Variants in SCN3B observed in about 807,000 individuals in gnomAD.
SCN3B encodes the protein sodium channel regulatory subunit beta-3.
Under a neutral mutation model 25.4 loss-of-function variants are expected in SCN3B, and 11 were observed. The observed-to-expected ratio is 0.43, with a 90% confidence interval of 0.27 to 0.72. The LOEUF (loss-of-function observed/expected upper bound fraction) is 0.72, where lower values mean the gene tolerates loss of function less well. Ranked by LOEUF, SCN3B falls within the 30% of genes least tolerant of loss-of-function variation. The probability of loss-of-function intolerance (pLI) is 0.18; values close to 1 mark genes in which losing one functional copy is unlikely to be tolerated. For synonymous variants in SCN3B, 109 were observed against 110.7 expected, an observed-to-expected ratio of 0.99 and a Z score of 0.09; for missense variants, 218 against 278.3, an observed-to-expected ratio of 0.78 and a Z score of 1.54.
rs1455649990 is a variant in SCN3B at position 123,633,744 on chromosome 11, T to C, written c.*55A>G. The C allele has an allele frequency of 3.0e-5, 9 of 302,752 alleles. No individual in the cohort carries two copies. The East Asian group carries it at 5.6e-4, about 19-fold the overall frequency. The allele number at this position is 302,752 out of a possible 1,614,324, so 18.8% of individuals were successfully genotyped here. On this transcript the variant is annotated 3_prime_UTR_variant, in exon 7 of 7. Transcript: ENST00000299333. Reference sequence around the variant, plus strand: ...CTGATGCCATTGACATTGCTGAACATGGGATGTCCAGTCCCTCAGGTGTTC... The same window carrying C: ...CTGATGCCATTGACATTGCTGAACACGGGATGTCCAGTCCCTCAGGTGTTC...
intron 2 of SCN3B, among the ~76,000 whole-genome samples, chr11:123,650,907 A>T (rs964375239): frequency 6.6e-6 from 1 of 152,144 alleles, no homozygotes; most frequent in Non-Finnish European, 1.5e-5. Flanking sequence ...ATGCACAGGC[A>T]AATATAGGGT....
At chr11:123,633,918 G>A in intron 6 of SCN3B, 142 bp from the exon 7 acceptor site, 1 of 542,678 alleles carries the variant, frequency 1.8e-6, no homozygotes, top group Non-Finnish European at 3.4e-6. Flanking sequence ...TCGACACTCA[G>A]GTCAAAGCAG....
rs926549927 is a variant in SCN3B, at chr11:123,654,215, G to T, written c.-26+11C>A. The T allele has an allele frequency of 3.7e-6, 1 of 271,180 alleles. No individual in the cohort carries two copies. The highest frequency in any genetic ancestry group is 7.3e-6 in the Non-Finnish European group (1 of 137,778). 16.8% of individuals were successfully genotyped at this position (271,180 alleles called of 1,614,324 possible). ...AGCAGCCAGGCTGTGGAAGGGTCCA[G>T]GTTGATTCACCTCTCGCCTCCCCAG... On this transcript the variant is annotated intron_variant, in intron 1 of 6. Transcript: ENST00000299333.
Position 123,640,093 on chromosome 11 carries a change from C to T in SCN3B, c.446-1769G>A, listed in dbSNP as rs533387829. On this transcript the variant is annotated intron_variant, in intron 4 of 6. Coordinates refer to ENST00000299333, the MANE Select transcript of SCN3B (RefSeq NM_001040151.2). ...ATAACTTTCAGCCCAGAGAGCAGTC[C>T]GAAGGCTCCAGGATCACCCAGGTTT... 32 of 152,300 alleles carry T rather than the reference C, an allele frequency of 2.1e-4. 1 individual carries two copies. The South Asian group carries it at 3.7e-3, about 18-fold the overall frequency. The allele number at this position is 152,300 out of a possible 1,614,324, so 9.4% of individuals were successfully genotyped here. A position where few individuals can be genotyped will look rare whatever the true frequency, so the allele number is the denominator to read the frequency against.
At chr11:123,634,799 C>T (rs1367282262) in intron 5 of SCN3B, among the ~76,000 whole-genome samples, 2 of 152,244 alleles carry the variant, frequency 1.3e-5, no homozygotes, top group African/African-American at 4.8e-5. Flanking sequence ...CACATGTTTA[C>T]AGGCTATTTG....
chr11:123,642,495 C>G lies in SCN3B; in HGVS notation c.396G>C (p.Arg132=). 4 of 1,614,152 alleles carry G rather than the reference C, an allele frequency of 2.5e-6. No individual in the cohort carries two copies. The highest frequency in any genetic ancestry group is 2.5e-6 in the Non-Finnish European group (3 of 1,180,036). ...TCAGCCGCGTCGTCTTCACAAAGGGCCGATGCGCCTCAAACTCAAACTCCC... is the reference window on the plus strand; with the variant it reads ...TCAGCCGCGTCGTCTTCACAAAGGGGCGATGCGCCTCAAACTCAAACTCCC... ...VSREFEFEAH[R]PFVKTTRLIP... Residue 132 remains arginine (R), a synonymous_variant, in exon 4 of 7, where the codon CGG becomes CGC. Transcript: ENST00000299333. The surrounding 1 kb of genome is among the most constrained non-coding windows in gnomAD (Gnocchi z 4.3).
intron 2 of SCN3B, among the ~76,000 whole-genome samples, chr11:123,648,520 T>G (rs770092967): frequency 6.6e-6 from 1 of 152,160 alleles, no homozygotes; most frequent in Non-Finnish European, 1.5e-5. Flanking sequence ...AAGAAAAGAA[T>G]CCCTGTTTTA....
chr11:123,638,095 G>T, intron 5 of SCN3B, 91 bp downstream of exon 5: 2 of 1,440,774 alleles, frequency 1.4e-6, no homozygotes, highest in Non-Finnish European at 1.9e-6. Context: ...GAGGGTGGAG[G>T]ATGAATGTAA....
At chr11:123,647,540 C>G (rs544324310) in intron 2 of SCN3B, among the ~76,000 whole-genome samples, 3 of 152,088 alleles carry the variant, frequency 2.0e-5, no homozygotes, top group African/African-American at 7.2e-5. Context: ...TTGAAGATCC[C>G]TTCTGATGCT....
At chr11:123,641,446 A>AT (rs1955790579) in intron 4 of SCN3B, among the ~76,000 whole-genome samples, 1 of 152,220 alleles carries the variant, frequency 6.6e-6, no homozygotes, top group Non-Finnish European at 1.5e-5. Flanking sequence ...CAACGACATG[A>AT]TAAAAAATGA....
intron 5 of SCN3B, among the ~76,000 whole-genome samples, chr11:123,636,363 T>C (rs1040322194): frequency 6.6e-6 from 1 of 152,218 alleles, no homozygotes; most frequent in African/African-American, 2.4e-5. Flanking sequence ...ATAATGATAA[T>C]TTAGTTTCTT....
At chr11:123,647,873 T>C (rs532476802) in intron 2 of SCN3B, among the ~76,000 whole-genome samples, 1 of 152,346 alleles carries the variant, frequency 6.6e-6, no homozygotes, top group South Asian at 2.1e-4. Flanking sequence ...TTTTCAACTC[T>C]CCAGCAAGCT....
rs1955663122 is a variant in SCN3B, at chr11:123,630,848, T to C, written c.*2951A>G. 1 of 152,044 alleles carries C rather than the reference T, an allele frequency of 6.6e-6. No individual in the cohort carries two copies. The highest frequency in any genetic ancestry group is 2.4e-5 in the African/African-American group (1 of 41,378). The allele number at this position is 152,044 out of a possible 1,614,324, so 9.4% of individuals were successfully genotyped here. A position where few individuals can be genotyped will look rare whatever the true frequency, so the allele number is the denominator to read the frequency against. On this transcript the variant is annotated 3_prime_UTR_variant, in exon 7 of 7. Transcript: ENST00000299333. ...ACAGGCAAGATAGGCAATGGTTAGA[T>C]GGAAGCTAAAAAATAAGAAAAGGAA...
At chr11:123,634,100 T>G (rs768710505) in intron 6 of SCN3B, 21 bp downstream of exon 6, 11 of 1,583,776 alleles carry the variant, frequency 6.9e-6, no homozygotes, top group African/African-American at 1.3e-5. Context: ...TGCCTTCCCC[T>G]CCCATGTTCC....
chr11:123,645,054 A>G (rs796880685), intron 3 of SCN3B, among the ~76,000 whole-genome samples: 7 of 151,966 alleles, frequency 4.6e-5, no homozygotes, highest in African/African-American at 1.7e-4. Context: ...TCGGCACAGC[A>G]AGTATCCACG....
At chr11:123,652,617 C>G (rs964069868) in intron 2 of SCN3B, among the ~76,000 whole-genome samples, 3 of 152,190 alleles carry the variant, frequency 2.0e-5, no homozygotes, top group Admixed American at 2.0e-4. Context: ...CAGGTGGGTA[C>G]AATTGTGTCC....
intron 3 of SCN3B, among the ~76,000 whole-genome samples, 171 bp downstream of exon 3, chr11:123,645,416 C>G (rs1392100282): frequency 2.0e-5 from 3 of 152,164 alleles, no homozygotes; most frequent in Admixed American, 1.3e-4. Context: ...CCCTTTCTCT[C>G]ACAGAAGCTG....
rs1171845914 is a variant in SCN3B at position 123,633,590 on chromosome 11, G to C, written c.*209C>G. 1.1e-5 allele frequency: 2 copies of C among 179,900 alleles called. No individual in the cohort carries two copies. Among genetic ancestry groups the C allele is most frequent in the East Asian group, 1.4e-4 (1 of 7,282 alleles). The allele number at this position is 179,900 out of a possible 1,614,324, so 11.1% of individuals were successfully genotyped here. ...CTTCTCAGTTCTGGCAGAGTCTTAT[G>C]GTGCGTAGAGGTCTGATGGAGTTAG... On this transcript the variant is annotated 3_prime_UTR_variant, in exon 7 of 7. Transcript: ENST00000299333.
intron 2 of SCN3B, among the ~76,000 whole-genome samples, chr11:123,647,157 T>C (rs1955863158): frequency 6.6e-6 from 1 of 152,142 alleles, no homozygotes; most frequent in Non-Finnish European, 1.5e-5. Flanking sequence ...TAAGAGAGTG[T>C]ACACAGCATT....
Sources: gnomAD v4.1 joint callset for allele counts (sites outside exome capture counted in the v4.1 genomes callset) on GRCh38, gnomAD v4.1.1 for gene constraint, Gnocchi (gnomAD v3.1) non-coding constraint, MANE v1.5 for transcripts, NCBI Gene and HGNC (gene_info 2026-07-23, HGNC 2026-07-21) for gene names.